Variants in PLPP4 observed in about 807,000 individuals in gnomAD.
PLPP4 encodes the protein phospholipid phosphatase 4, also known as diacylglycerol pyrophosphate like 2.
In PLPP4, 20 loss-of-function variants were observed where a neutral mutation model predicts 32.2. The observed-to-expected ratio is 0.62, with a 90% CI of 0.44 to 0.90. The LOEUF (loss-of-function observed/expected upper bound fraction) is 0.90, where lower values mean the gene tolerates loss of function less well. Among genes scored for constraint, PLPP4 ranks in the 40% least tolerant of loss-of-function variants. The probability of loss-of-function intolerance (pLI) is 0.00; values close to 1 mark genes in which losing one functional copy is unlikely to be tolerated. For missense variants in PLPP4, 257 were observed against 353.1 expected, an observed-to-expected ratio of 0.73 and a Z score of 2.18; for synonymous variants, 127 against 133.0, an observed-to-expected ratio of 0.95 and a Z score of 0.31.
At chr10:120,518,724 G>C in intron 3 of PLPP4, 109 bp from the exon 4 acceptor site, 2 of 845,318 alleles carry the variant, frequency 2.4e-6, no homozygotes, top group Non-Finnish European at 1.8e-6. Context: ...TATTTCTCTG[G>C]TCATTAAATA....
chr10:120,504,049 G>C (rs1845388481), intron 2 of PLPP4, 123 bp downstream of exon 2: 1 of 660,536 alleles, frequency 1.5e-6, no homozygotes, highest in Non-Finnish European at 2.6e-6. Context: ...AAGGAGAGCA[G>C]CCCATCAAAT....
In PLPP4 at chr10:120,457,355, T is replaced by G; in HGVS notation, c.50T>G (p.Val17Gly). The G allele has an allele frequency of 6.5e-7, 1 of 1,531,984 alleles. No individual in the cohort carries two copies. The highest frequency in any genetic ancestry group is 8.8e-7 in the Non-Finnish European group (1 of 1,138,064). 94.9% of individuals were successfully genotyped at this position (1,531,984 alleles called of 1,614,324 possible). Residue 17 changes from valine (V) to glycine (G), a missense_variant, in exon 1 of 7, where the codon GTC becomes GGC. Val to Gly is a moderately radical substitution (Grantham distance 109, BLOSUM62 -3). Transcript: ENST00000398250. The stretch of plus-strand genomic sequence containing the variant: ...GGGGTGCGAGCCCTGCTCTTCGGAG[T>G]CTTCGTGTAAGTAGTGGCGCACCGC... ...EIGVRALLFGVFVFTEFLDPF... is the reference protein window; with the variant it reads ...EIGVRALLFGGFVFTEFLDPF...
intron 1 of PLPP4, 37 bp downstream of exon 1, chr10:120,457,398 G>A: frequency 1.3e-6 from 2 of 1,517,732 alleles, no homozygotes; most frequent in South Asian, 1.2e-5. Context: ...GCGCACTGAC[G>A]CGGGGGAACA....
chr10:120,505,670 A>G (rs1845458452), intron 2 of PLPP4, among the ~76,000 whole-genome samples: 1 of 152,220 alleles, frequency 6.6e-6, no homozygotes, highest in African/African-American at 2.4e-5. Flanking sequence ...TTACTTTTCT[A>G]CTGGAAAGTA....
intron 1 of PLPP4, among the ~76,000 whole-genome samples, chr10:120,475,995 G>A (rs1011376135): frequency 6.6e-6 from 1 of 152,154 alleles, no homozygotes; most frequent in Non-Finnish European, 1.5e-5. Flanking sequence ...GCATTGATTG[G>A]GTCCTACTGT....
intron 5 of PLPP4, among the ~76,000 whole-genome samples, chr10:120,549,537 A>G (rs895867829): frequency 6.6e-6 from 1 of 151,916 alleles, no homozygotes; most frequent in Non-Finnish European, 1.5e-5. Flanking sequence ...GTAATAGGAT[A>G]ATCCTGATAA....
At chr10:120,584,058 C>G (rs1849642180) in intron 6 of PLPP4, among the ~76,000 whole-genome samples, 1 of 152,152 alleles carries the variant, frequency 6.6e-6, no homozygotes, top group African/African-American at 2.4e-5. Flanking sequence ...AAGACACTAC[C>G]CCTTTCTTAA....
chr10:120,507,128 G>T (rs1471180777), intron 2 of PLPP4, among the ~76,000 whole-genome samples: 1 of 152,150 alleles, frequency 6.6e-6, no homozygotes, highest in Admixed American at 6.5e-5. Flanking sequence ...GTTGTCTATA[G>T]TAGTTGTGTC....
intron 6 of PLPP4, among the ~76,000 whole-genome samples, chr10:120,589,025 A>C (rs1818457533): frequency 1.3e-5 from 2 of 152,202 alleles, no homozygotes; most frequent in Admixed American, 1.3e-4. Context: ...CAGCCTGGGC[A>C]ACAGAGCAAG....
intron 1 of PLPP4, among the ~76,000 whole-genome samples, chr10:120,489,150 C>CA (rs1401605560): frequency 1.3e-5 from 2 of 152,182 alleles, no homozygotes; most frequent in Non-Finnish European, 2.9e-5. Context: ...ATCCAATTCT[C>CA]AGTGAGTGCA....
At chr10:120,496,021 A>G (rs1419886093) in intron 1 of PLPP4, among the ~76,000 whole-genome samples, 1 of 152,178 alleles carries the variant, frequency 6.6e-6, no homozygotes, top group Non-Finnish European at 1.5e-5. Context: ...CAAACACCAA[A>G]GCAGGGATTT....
At chr10:120,539,765 C>T (rs778304853) in intron 5 of PLPP4, among the ~76,000 whole-genome samples, 1 of 152,102 alleles carries the variant, frequency 6.6e-6, no homozygotes, top group Non-Finnish European at 1.5e-5. Context: ...TGGGCTCTCC[C>T]TCAGTTTTCT....
chr10:120,580,678 C>CAA (rs869262238), intron 6 of PLPP4, among the ~76,000 whole-genome samples: 2,038 of 137,966 alleles, frequency 0.015, 44 homozygotes, highest in African/African-American at 0.02. Context: ...CACACACACA[C>CAA]ACGGCTGAGG....
chr10:120,582,634 A>T (rs1384101556), intron 6 of PLPP4, among the ~76,000 whole-genome samples: 3 of 152,104 alleles, frequency 2.0e-5, no homozygotes, highest in African/African-American at 4.8e-5. Flanking sequence ...AATGAGTTTG[A>T]CTTAATCATG....
At chr10:120,556,266 C>T (rs903751339) in intron 5 of PLPP4, among the ~76,000 whole-genome samples, 4 of 152,160 alleles carry the variant, frequency 2.6e-5, no homozygotes, top group African/African-American at 9.7e-5. Context: ...TCTCTTAGTG[C>T]CCTGGGGGGT....
chr10:120,498,770 C>T (rs183749319), intron 1 of PLPP4, among the ~76,000 whole-genome samples: 32 of 151,926 alleles, frequency 2.1e-4, no homozygotes, highest in Admixed American at 1.3e-3. Context: ...AAGCAATTCT[C>T]GTACCTCAGT....
At chr10:120,574,058 G>C (rs1442664261) in intron 5 of PLPP4, among the ~76,000 whole-genome samples, 1 of 151,376 alleles carries the variant, frequency 6.6e-6, no homozygotes, top group Non-Finnish European at 1.5e-5. Flanking sequence ...GAGGGATGGG[G>C]AGCTGTAACA....
At chr10:120,567,261 T>G (rs1229659838) in intron 5 of PLPP4, among the ~76,000 whole-genome samples, 1 of 152,196 alleles carries the variant, frequency 6.6e-6, no homozygotes, top group East Asian at 1.9e-4. Context: ...GAACTAAACT[T>G]TGGCTAAGAA....
At chr10:120,575,451 A>G (rs1849178079) in intron 6 of PLPP4, 150 bp downstream of exon 6, 1 of 818,496 alleles carries the variant, frequency 1.2e-6, no homozygotes. Context: ...AAAATTTTGA[A>G]GCAAATATGC....
Sources: gnomAD v4.1 joint callset for allele counts (sites outside exome capture counted in the v4.1 genomes callset) on GRCh38, gnomAD v4.1.1 for gene constraint, MANE v1.5 for transcripts, NCBI Gene and HGNC (gene_info 2026-07-23, HGNC 2026-07-21) for gene names.